Variants in MTCH1 observed in about 807,000 individuals in gnomAD.
MTCH1 encodes the protein mitochondrial carrier 1.
MTCH1 carries 23 observed loss-of-function variants against 49.3 expected under a neutral mutation model. The ratio of observed to expected loss-of-function variants is 0.47; its 90% CI spans 0.34 to 0.66. MTCH1 has a LOEUF of 0.66. Among genes scored for constraint, MTCH1 ranks in the 30% least tolerant of loss-of-function variants. The pLI is 0.01. For missense variants in MTCH1, 397 were observed against 532.1 expected (o/e 0.75, Z 2.50); for synonymous variants, 229 against 215.2 (o/e 1.06, Z -0.56).
chr6:36,979,641 G>A (rs1471459821), intron 2 of MTCH1, among the ~76,000 whole-genome samples: 2 of 152,216 alleles, frequency 1.3e-5, no homozygotes, highest in Non-Finnish European at 1.5e-5. Flanking sequence ...CCTGAGATGA[G>A]GGTGGGCTGG....
At chr6:36,980,868 C>T (rs1220861026) in intron 2 of MTCH1, among the ~76,000 whole-genome samples, 2 of 152,188 alleles carry the variant, frequency 1.3e-5, no homozygotes, top group Non-Finnish European at 2.9e-5. Flanking sequence ...CATGAAAAGG[C>T]CCTGGCCAGA....
In MTCH1 at chr6:36,968,854, C is replaced by T. The variant is rs751490722; in HGVS notation, c.*49G>A. On this transcript the variant is annotated 3_prime_UTR_variant, in exon 12 of 12. Transcript: ENST00000373627. ...TTGCAGGTGTCCCAAGGTGGTCAGG[C>T]CTCACCCACGGTGGCCAGGTTGAGA... 10 of 1,612,710 alleles carry T rather than the reference C, an allele frequency of 6.2e-6. No homozygotes were observed. Among genetic ancestry groups the T allele is most frequent in the Non-Finnish European group, 8.5e-6 (10 of 1,179,070 alleles).
chr6:36,983,511 T>C (rs1171589720), intron 1 of MTCH1, among the ~76,000 whole-genome samples: 4 of 152,206 alleles, frequency 2.6e-5, no homozygotes, highest in Non-Finnish European at 1.5e-5. Context: ...TAACTTCTAT[T>C]GGGTTATCAT....
rs1046139355 is a variant in MTCH1, at chr6:36,977,822, G to A, written c.592-131C>T. The A allele has an allele frequency of 8.0e-6, 7 of 874,956 alleles. No homozygotes were observed. The highest frequency in any genetic ancestry group is 2.4e-5 in the Admixed American group (1 of 41,482). The allele number at this position is 874,956 out of a possible 1,614,324, so 54.2% of individuals were successfully genotyped here. A position where few individuals can be genotyped will look rare whatever the true frequency, so the allele number is the denominator to read the frequency against. On this transcript the variant is annotated intron_variant, in intron 4 of 11. Transcript: ENST00000373627. This position sits in a 1 kb window ranked among gnomAD's most constrained non-coding sequence, Gnocchi z 5.4. Reference sequence around the variant, plus strand: ...CTGCACATGGGGTCGGTCTGCCAAGGATGGCTCCACCTGTTGCCCACTCCC... The same window carrying A: ...CTGCACATGGGGTCGGTCTGCCAAGAATGGCTCCACCTGTTGCCCACTCCC...
At position 36,981,579 on chromosome 6, in the gene MTCH1, C is replaced by T. The variant is rs765649023; in HGVS notation, c.406+9G>A. The T allele has an allele frequency of 2.5e-6, 4 of 1,613,422 alleles. No individual in the cohort carries two copies. The highest frequency in any genetic ancestry group is 1.7e-5 in the Admixed American group (1 of 59,944). The stretch of plus-strand genomic sequence containing the variant: ...GGTGTGGGCTTTCCTGCTTGGGAGG[C>T]ACACTCACCGTAGGTGAAGAAGCTC... On this transcript the variant is annotated intron_variant, in intron 2 of 11. Coordinates refer to ENST00000373627, the MANE Select transcript of MTCH1 (RefSeq NM_001271641.2).
intron 1 of MTCH1, among the ~76,000 whole-genome samples, chr6:36,985,074 T>G (rs2150754934): frequency 1.6e-5 from 2 of 126,516 alleles, no homozygotes; most frequent in Non-Finnish European, 3.4e-5. Flanking sequence ...GCCCTATCTG[T>G]TCCCCTCCCC....
chr6:36,969,469 T>C, intron 11 of MTCH1: 1 of 1,081,130 alleles, frequency 9.2e-7, no homozygotes, highest in Non-Finnish European at 1.1e-6. Flanking sequence ...GGCCAAAGCC[T>C]GGACCCCTGA....
chr6:36,981,935 C>T (rs1055014167), intron 1 of MTCH1, among the ~76,000 whole-genome samples: 9 of 152,224 alleles, frequency 5.9e-5, no homozygotes, highest in Non-Finnish European at 5.9e-5. Flanking sequence ...CACACCCCAA[C>T]ATTCTTACAT....
In MTCH1 at chr6:36,977,506, C is replaced by T. The variant is rs2293389; in HGVS notation, c.649+128G>A. 14 of 728,470 alleles carry T rather than the reference C, an allele frequency of 1.9e-5. No homozygotes were observed. In the African/African-American group the frequency reaches 1.9e-4, roughly 10 times the overall value. 45.1% of individuals were successfully genotyped at this position (728,470 alleles called of 1,614,324 possible). A position where few individuals can be genotyped will look rare whatever the true frequency, so the allele number is the denominator to read the frequency against. On this transcript the variant is annotated intron_variant, in intron 5 of 11. Coordinates refer to ENST00000373627, the MANE Select transcript of MTCH1 (RefSeq NM_001271641.2). The surrounding 1 kb of genome is among the most constrained non-coding windows in gnomAD (Gnocchi z 5.4). ...CAGTGAGGTGGGTTCCAGTAGAATA[C>T]CCCCAACCCCACTACCACTTCCCAA...
upstream of MTCH1, among the ~76,000 whole-genome samples, chr6:36,986,520 G>A (rs998962022): frequency 1.1e-4 from 17 of 152,122 alleles, no homozygotes; most frequent in Admixed American, 1.0e-3. Context: ...GCGCTTCCAA[G>A]CCACCTCCCT....
intron 10 of MTCH1, 139 bp from the exon 11 acceptor site, chr6:36,970,253 G>C (rs1763632334): frequency 7.0e-7 from 1 of 1,419,586 alleles, no homozygotes; most frequent in African/African-American, 1.4e-5. Flanking sequence ...CCCAGGGGGT[G>C]CTGGGAAATC....
intron 1 of MTCH1, 100 bp downstream of exon 1, chr6:36,985,753 C>T (rs2150755583): frequency 2.3e-6 from 3 of 1,303,316 alleles, no homozygotes; most frequent in South Asian, 2.6e-5. Flanking sequence ...CCCCTCTCCC[C>T]AAATCCGTCG....
chr6:36,981,564 T>C (rs1350276935), intron 2 of MTCH1, 24 bp downstream of exon 2: 1 of 1,611,616 alleles, frequency 6.2e-7, no homozygotes, highest in South Asian at 1.1e-5. Flanking sequence ...GGTGTGGGCT[T>C]TCCTGCTTGG....
In MTCH1 at chr6:36,972,821, G is replaced by A; in HGVS notation, c.762-25C>T. On this transcript the variant is annotated intron_variant, in intron 7 of 11. Coordinates refer to ENST00000373627, the MANE Select transcript of MTCH1 (RefSeq NM_001271641.2). This position sits in a 1 kb window ranked among gnomAD's most constrained non-coding sequence, Gnocchi z 4.1. ...ACTAAAAAACAAGGTAAGCAGAGATGAGCAGGAGAGGGAGAGGAGCAGTTC... is the reference window on the plus strand; with the variant it reads ...ACTAAAAAACAAGGTAAGCAGAGATAAGCAGGAGAGGGAGAGGAGCAGTTC... 6.5e-7 allele frequency: 1 copy of A among 1,535,680 alleles called. No homozygotes were observed. Among genetic ancestry groups the A allele is most frequent in the Non-Finnish European group, 8.8e-7 (1 of 1,134,208 alleles).
chr6:36,981,040 C>T (rs1291634140), intron 2 of MTCH1, among the ~76,000 whole-genome samples: 8 of 152,192 alleles, frequency 5.3e-5, no homozygotes, highest in South Asian at 2.1e-4. Context: ...CCCAAACTCA[C>T]GCAGCACACA....
chr6:36,970,771 C>T (rs1561903803), intron 8 of MTCH1, 77 bp from the exon 9 acceptor site: 1 of 1,476,394 alleles, frequency 6.8e-7, no homozygotes, highest in African/African-American at 1.4e-5. Flanking sequence ...GCCCTCACCC[C>T]ACCCTCTGTG....
intron 7 of MTCH1, among the ~76,000 whole-genome samples, chr6:36,974,468 A>T (rs1473968575): frequency 6.6e-6 from 1 of 152,194 alleles, no homozygotes; most frequent in African/African-American, 2.4e-5. Context: ...GTCTCCTGAC[A>T]GCTGCAGAAA....
At chr6:36,986,372 T>C (rs1764322372), upstream of MTCH1, 2 of 426,822 alleles carry the variant, frequency 4.7e-6, no homozygotes, top group African/African-American at 4.2e-5. Flanking sequence ...CGGGGGTCAA[T>C]GGTGGCGGGC....
intron 3 of MTCH1, 69 bp from the exon 4 acceptor site, chr6:36,978,224 C>A: frequency 7.4e-7 from 1 of 1,357,444 alleles, no homozygotes. Context: ...GGGACTTGGG[C>A]GGCAGGAACC....
Sources: gnomAD v4.1 joint callset for allele counts (sites outside exome capture counted in the v4.1 genomes callset) on GRCh38, gnomAD v4.1.1 for gene constraint, Gnocchi (gnomAD v3.1) non-coding constraint, MANE v1.5 for transcripts, NCBI Gene and HGNC (gene_info 2026-07-23, HGNC 2026-07-21) for gene names.